Variants in LPO observed in about 807,000 individuals in gnomAD.
The protein encoded by LPO is salivary peroxidase.
In LPO, 70 loss-of-function variants were observed where a neutral mutation model predicts 68.4. The ratio of observed to expected loss-of-function variants is 1.02; its 90% confidence interval spans 0.84 to 1.25. The LOEUF (loss-of-function observed/expected upper bound fraction) is 1.25. Ranked by LOEUF, LPO falls within the 50% of genes most tolerant of loss-of-function variation. The probability of loss-of-function intolerance (pLI) is 0.00; values close to 1 mark genes in which losing one functional copy is unlikely to be tolerated. For missense variants in LPO, 873 were observed against 908.4 expected, an observed-to-expected ratio of 0.96 and a Z score of 0.50; for synonymous variants, 360 against 357.6, an observed-to-expected ratio of 1.01 and a Z score of -0.08.
chr17:58,242,841 C>A, intron 1 of LPO, 137 bp from the exon 2 acceptor site: 1 of 687,894 alleles, frequency 1.5e-6, no homozygotes. Flanking sequence ...ATGCTTCATT[C>A]GTTAATGTGG....
chr17:58,254,648 A>G (rs1970034076), intron 8 of LPO, 163 bp from the exon 9 acceptor site: 1 of 609,506 alleles, frequency 1.6e-6, no homozygotes, highest in Admixed American at 3.2e-5. Flanking sequence ...CCTATGATTC[A>G]GTACCCCCTC....
At chr17:58,251,602 C>T in intron 7 of LPO, 1 of 276,094 alleles carries the variant, frequency 3.6e-6, no homozygotes, top group Non-Finnish European at 7.2e-6. Context: ...TAAATCGAGG[C>T]TATGTGCTGT....
chr17:58,239,218 A>G (rs1969711742), intron 1 of LPO, among the ~76,000 whole-genome samples: 1 of 150,110 alleles, frequency 6.7e-6, no homozygotes, highest in South Asian at 2.1e-4. Context: ...TCAGGTCTTC[A>G]TCTCATTTCC....
chr17:58,241,125 C>CTTTTTTTTTTTTTTTTTT (rs1161572564), intron 1 of LPO, among the ~76,000 whole-genome samples: 30 of 91,268 alleles, frequency 3.3e-4, no homozygotes, highest in African/African-American at 3.9e-4. Flanking sequence ...TTTCTTTTTT[C>CTTTTTTTTTTTTTTTTTT]TTTTTTTTTT....
intron 12 of LPO, 67 bp from the exon 13 acceptor site, chr17:58,267,720 C>A (rs1380424966): frequency 2.0e-6 from 3 of 1,516,016 alleles, no homozygotes; most frequent in Admixed American, 1.7e-5. Context: ...CCCTTTCCTT[C>A]CCCTGTGACA....
rs1969922887 is a variant in LPO, at chr17:58,249,755, C to G, written c.573+60C>G. The G allele has an allele frequency of 3.3e-6, 5 of 1,501,674 alleles. No homozygotes were observed. In the South Asian group the frequency reaches 6.2e-5, roughly 19 times the overall value. 93.0% of individuals were successfully genotyped at this position (1,501,674 alleles called of 1,614,324 possible). A position where few individuals can be genotyped will look rare whatever the true frequency, so the allele number is the denominator to read the frequency against. The stretch of plus-strand genomic sequence containing the variant: ...GCCAGAGGGGACGGGATGCACTACC[C>G]AAACACGCAGTGAAAGGAGGAGGAG... On this transcript the variant is annotated intron_variant, in intron 6 of 12. Transcript: ENST00000262290.
rs1469355882 is a variant in LPO at position 58,254,180 on chromosome 17, G to GATAGAT, written c.1106-629_1106-624dup. 7.3e-5 allele frequency among the ~76,000 whole-genome samples: 11 copies of GATAGAT among 151,282 alleles called. No individual in the cohort carries two copies. In the East Asian group the frequency reaches 2.1e-3, roughly 29 times the overall value. ...AGATAGATAGATAGATAGATAGATAGATAGATAGATAGACTCTCCTAAAGA... is the reference window on the plus strand; with the variant it reads ...AGATAGATAGATAGATAGATAGATAGATAGATATAGATAGATAGACTCTCCTAAAGA... On this transcript the variant is annotated intron_variant, in intron 8 of 12. Coordinates refer to ENST00000262290, the MANE Select transcript of LPO (RefSeq NM_006151.3).
In LPO at chr17:58,252,100, A is replaced by T. The variant is rs73314139; in HGVS notation, c.781-82A>T. The T allele has an allele frequency of 6.4e-4, 848 of 1,330,538 alleles. 5 individuals are homozygous for T. The African/African-American group carries it at 0.011, about 18-fold the overall frequency. The allele number at this position is 1,330,538 out of a possible 1,614,324, so 82.4% of individuals were successfully genotyped here. On this transcript the variant is annotated intron_variant, in intron 7 of 12. Transcript: ENST00000262290. ...AGGAGGGTGCCATCAGCATCTTTGC[A>T]TCCAGACTTGCCCTGGGGAGAGGTT... is the stretch of plus-strand genomic sequence containing the variant.
intron 4 of LPO, among the ~76,000 whole-genome samples, chr17:58,248,053 T>C (rs8178323): frequency 0.024 from 3,657 of 152,262 alleles, 140 homozygotes; most frequent in African/African-American, 0.083. Flanking sequence ...CTTGGGATAA[T>C]GTCACAGGAG....
intron 10 of LPO, 43 bp downstream of exon 10, chr17:58,265,017 C>T (rs927837074): frequency 6.2e-7 from 1 of 1,607,112 alleles, no homozygotes; most frequent in East Asian, 2.2e-5. Context: ...GTCTCCCACT[C>T]CGCAGCCTAT....
rs1016394137 is a variant in LPO, at chr17:58,267,792, G to A, written c.1937G>A (p.Trp646Ter). The A allele has an allele frequency of 4.3e-5, 69 of 1,613,844 alleles. 1 individual carries two copies. The highest frequency in any genetic ancestry group is 5.8e-5 in the Non-Finnish European group (68 of 1,179,896). ...CTCTACTTCTGTCTCTGCAGGTTCT[G>A]GTGGGAAAACCCTGGGGTCTTCACG... ...FQQIRDGDRF[W>*]WENPGVFTNE... The change falls in exon 13 of 13, where the codon TGG becomes TAG. Residue 646 changes from tryptophan (W) to a stop codon, truncating the protein, a stop_gained. Transcript: ENST00000262290. LOFTEE classifies it low-confidence loss of function (END_TRUNC).
In LPO at chr17:58,264,873, C is replaced by A. The variant is rs773139287; in HGVS notation, c.1418C>A (p.Ser473Tyr). 25 of 1,614,138 alleles carry A rather than the reference C, an allele frequency of 1.5e-5. No homozygotes were observed. Among genetic ancestry groups the A allele is most frequent in the Non-Finnish European group, 2.5e-6 (3 of 1,180,052 alleles). ...AFRFGHLEVP[S>Y]SMFRLDENYQ... is the part of the protein sequence containing the mutation. ...CGCTTTGGCCACTTGGAGGTCCCCT[C>A]TAGTATGTTCCGCCTGGATGAGAAT... Residue 473 changes from serine (S) to tyrosine (Y), a missense_variant, in exon 10 of 13, where the codon TCT becomes TAT. Ser to Tyr is a moderately radical substitution (Grantham distance 144, BLOSUM62 -2). Coordinates refer to ENST00000262290, the MANE Select transcript of LPO (RefSeq NM_006151.3).
At position 58,268,110 on chromosome 17, in the gene LPO, C is replaced by A; in HGVS notation, c.*116C>A. ...GTCCCAGCCCTTCTTTGCAGCTGGG[C>A]CTCTCTATACCCCTGGATGAACAGC... On this transcript the variant is annotated 3_prime_UTR_variant, in exon 13 of 13. Coordinates refer to ENST00000262290, the MANE Select transcript of LPO (RefSeq NM_006151.3). 2 of 1,046,808 alleles carry A rather than the reference C, an allele frequency of 1.9e-6. No homozygotes were observed. The highest frequency in any genetic ancestry group is 2.8e-6 in the Non-Finnish European group (2 of 718,904). The allele number at this position is 1,046,808 out of a possible 1,614,324, so 64.8% of individuals were successfully genotyped here.
At chr17:58,262,689 AGCCCTTTACCAT>A (rs1970196857) in intron 9 of LPO, among the ~76,000 whole-genome samples, 1 of 152,158 alleles carries the variant, frequency 6.6e-6, no homozygotes, top group Non-Finnish European at 1.5e-5. Context: ...CACCACACCC[AGCCCTTTACCAT>A]TACTTGAATT....
At chr17:58,259,079 A>C (rs1360574375) in intron 9 of LPO, among the ~76,000 whole-genome samples, 1 of 151,970 alleles carries the variant, frequency 6.6e-6, no homozygotes, top group East Asian at 1.9e-4. Flanking sequence ...AAAAGCTTTT[A>C]ATTTTAATGA....
At chr17:58,249,332 C>G in intron 5 of LPO, 155 bp downstream of exon 5, 2 of 868,666 alleles carry the variant, frequency 2.3e-6, no homozygotes, top group Non-Finnish European at 3.5e-6. Context: ...GATCGCGCGT[C>G]TCCAGCCCTC....
chr17:58,252,299 C>T lies in LPO; in HGVS notation c.898C>T (p.Leu300=). 1.9e-6 allele frequency: 3 copies of T among 1,614,232 alleles called. No homozygotes were observed. The highest frequency in any genetic ancestry group is 2.7e-5 in the African/African-American group (2 of 75,054). Reference sequence around the variant, plus strand: ...CCTGGCCCGAGAGCAGATCAACGCTCTGACCTCCTTCCTGGATGCCAGCTT... The same window carrying T: ...CCTGGCCCGAGAGCAGATCAACGCTTTGACCTCCTTCCTGGATGCCAGCTT... ...KSLAREQINA[L]TSFLDASFVY... is the part of the protein sequence containing the mutation. The change falls in exon 8 of 13, where the codon CTG becomes TTG. Residue 300 remains leucine, a synonymous_variant. Coordinates refer to ENST00000262290, the MANE Select transcript of LPO (RefSeq NM_006151.3).
At chr17:58,252,065 C>A (rs1969967592) in intron 7 of LPO, 117 bp from the exon 8 acceptor site, 9 of 889,716 alleles carry the variant, frequency 1.0e-5, no homozygotes, top group Non-Finnish European at 1.7e-5. Context: ...GTGTCTGGTA[C>A]CAGGGTCCTA....
At chr17:58,250,750 C>T (rs962069116) in intron 7 of LPO, 129 bp downstream of exon 7, 6 of 865,326 alleles carry the variant, frequency 6.9e-6, no homozygotes, top group East Asian at 2.6e-5. Context: ...CCATGCCTCA[C>T]GTGTCCATTC....
Sources: allele counts gnomAD v4.1 joint callset (sites outside exome capture counted in the v4.1 genomes callset), GRCh38; gene constraint gnomAD v4.1.1; transcripts MANE v1.5; gene names NCBI Gene and HGNC (gene_info 2026-07-23, HGNC 2026-07-21).